The following SCN3B variants were observed in gnomAD, a reference collection of about 807,000 sequenced individuals.
SCN3B encodes the protein sodium voltage-gated channel beta subunit 3, also known as sodium channel regulatory subunit beta-3.
A neutral mutation model predicts 25.4 loss-of-function variants in SCN3B; 11 were observed. The observed-to-expected ratio is 0.43, with a 90% CI of 0.27 to 0.72. SCN3B has a LOEUF of 0.72. SCN3B is among the 30% of genes least tolerant of loss of function. The probability of loss-of-function intolerance (pLI) is 0.18; values close to 1 mark genes in which losing one functional copy is unlikely to be tolerated. For synonymous variants in SCN3B, 109 were observed against 110.7 expected, an observed-to-expected ratio of 0.99 and a Z score of 0.09; for missense variants, 218 against 278.3, an observed-to-expected ratio of 0.78 and a Z score of 1.54.
chr11:123,643,140 G>C (rs769840393), intron 3 of SCN3B, among the ~76,000 whole-genome samples: 9 of 152,178 alleles, frequency 5.9e-5, no homozygotes, highest in Non-Finnish European at 8.8e-5. Flanking sequence ...AGATTCATTA[G>C]TAATGAAGAC....
intron 2 of SCN3B, among the ~76,000 whole-genome samples, chr11:123,649,690 T>C (rs1302672010): frequency 1.3e-5 from 2 of 151,144 alleles, no homozygotes; most frequent in Non-Finnish European, 3.0e-5. Flanking sequence ...TCTCTCTCTC[T>C]GTCTCTGTCT....
rs1245114057 is a variant in SCN3B, at chr11:123,642,354, C to T, written c.445+92G>A. 2.4e-6 allele frequency: 3 copies of T among 1,255,962 alleles called. No homozygotes were observed. The highest frequency in any genetic ancestry group is 3.5e-6 in the Non-Finnish European group (3 of 859,526). 77.8% of individuals were successfully genotyped at this position (1,255,962 alleles called of 1,614,324 possible). On this transcript the variant is annotated intron_variant, in intron 4 of 6. Coordinates refer to ENST00000299333, the MANE Select transcript of SCN3B (RefSeq NM_001040151.2). The surrounding 1 kb of genome is among the most constrained non-coding windows in gnomAD (Gnocchi z 4.3). ...TTCCAAATACATGGGTTTTTGCACT[C>T]TTTAAGGGCCTCACTCGTGGAAAAC...
chr11:123,648,466 G>A (rs1228602410), intron 2 of SCN3B, among the ~76,000 whole-genome samples: 1 of 152,122 alleles, frequency 6.6e-6, no homozygotes, highest in Non-Finnish European at 1.5e-5. Flanking sequence ...TGCCTTCTGG[G>A]TGCCAGGCAT....
At position 123,630,088 on chromosome 11, in the gene SCN3B, T is replaced by G. The variant is rs1955650943; in HGVS notation, c.*3711A>C. The G allele has an allele frequency of 1.3e-5, 2 of 152,206 alleles. No individual in the cohort carries two copies. 9.4% of individuals were successfully genotyped at this position (152,206 alleles called of 1,614,324 possible). On this transcript the variant is annotated 3_prime_UTR_variant, in exon 7 of 7. Coordinates refer to ENST00000299333, the MANE Select transcript of SCN3B (RefSeq NM_001040151.2). The stretch of plus-strand genomic sequence containing the variant: ...ACATTCCTGCTTTGAAAAGTAACTT[T>G]CCTAGTAATATTTCTAGTTGGACAT...
At chr11:123,644,803 ATATATATATATATATATATATATATAT>A (rs1955833521) in intron 3 of SCN3B, among the ~76,000 whole-genome samples, 1 of 23,880 alleles carries the variant, frequency 4.2e-5, no homozygotes, top group African/African-American at 2.7e-4. Context: ...GAGAGAGAAT[ATATATATATATATATATATATATATAT>A]ATATATATAT....
Position 123,630,669 on chromosome 11 carries a change from T to C in SCN3B, c.*3130A>G, listed in dbSNP as rs1206960035. ...CAAATCTCCCAGGAAGGAGTTTAAT[T>C]GCAATTCAGGAGAAATAATGATGTA... On this transcript the variant is annotated 3_prime_UTR_variant, in exon 7 of 7. Transcript: ENST00000299333. The C allele has an allele frequency of 6.6e-6, 1 of 152,260 alleles. No individual in the cohort carries two copies. The highest frequency in any genetic ancestry group is 1.9e-4 in the East Asian group (1 of 5,194). The allele number at this position is 152,260 out of a possible 1,614,324, so 9.4% of individuals were successfully genotyped here. A position where few individuals can be genotyped will look rare whatever the true frequency, so the allele number is the denominator to read the frequency against.
chr11:123,637,832 A>G (rs1453285113), intron 5 of SCN3B, among the ~76,000 whole-genome samples: 1 of 152,142 alleles, frequency 6.6e-6, no homozygotes, highest in African/African-American at 2.4e-5. Context: ...ATGCCCAGCC[A>G]TAATAATATT....
At chr11:123,653,929 G>C in intron 1 of SCN3B, 103 bp from the exon 2 acceptor site, 1 of 1,112,054 alleles carries the variant, frequency 9.0e-7, no homozygotes, top group Non-Finnish European at 1.4e-6. Context: ...TCTGACCGAA[G>C]GAAGGGCCGA....
At chr11:123,653,907 A>T in intron 1 of SCN3B, 81 bp from the exon 2 acceptor site, 1 of 1,315,868 alleles carries the variant, frequency 7.6e-7, no homozygotes, top group South Asian at 1.2e-5. Context: ...AACTGCCCCC[A>T]GGGGGCGACT....
intron 3 of SCN3B, among the ~76,000 whole-genome samples, chr11:123,645,095 A>T (rs949272394): frequency 6.6e-6 from 1 of 151,976 alleles, no homozygotes; most frequent in Admixed American, 6.6e-5. Context: ...TGACTCACTG[A>T]TGTGGCTGTG....
chr11:123,648,676 T>C (rs1431601568), intron 2 of SCN3B, among the ~76,000 whole-genome samples: 1 of 152,048 alleles, frequency 6.6e-6, no homozygotes, highest in African/African-American at 2.4e-5. Context: ...GAGCAGGCGC[T>C]GAAGAAAAGA....
chr11:123,643,477 A>C (rs577577417), intron 3 of SCN3B, among the ~76,000 whole-genome samples: 2 of 152,338 alleles, frequency 1.3e-5, no homozygotes, highest in East Asian at 3.9e-4. Context: ...GTAGCTACTT[A>C]AATTCAATTT....
rs761216819 is a variant in SCN3B, at chr11:123,634,138, C to T, written c.*5G>A. 1 of 1,613,736 alleles carries T rather than the reference C, an allele frequency of 6.2e-7. No individual in the cohort carries two copies. Among genetic ancestry groups the T allele is most frequent in the Non-Finnish European group, 8.5e-7 (1 of 1,179,728 alleles). ...TAGGTCACCTCATGTCACACTGCTC[C>T]TGTTCTATTCCTCCACTGGTACCGC... On this transcript the variant is annotated 3_prime_UTR_variant, in exon 6 of 7. Coordinates refer to ENST00000299333, the MANE Select transcript of SCN3B (RefSeq NM_001040151.2).
chr11:123,644,419 C>A (rs1261012559), intron 3 of SCN3B, among the ~76,000 whole-genome samples: 1 of 152,136 alleles, frequency 6.6e-6, no homozygotes, highest in Non-Finnish European at 1.5e-5. Context: ...ACCCAGGTGG[C>A]CTGGCTCCAC....
intron 1 of SCN3B, 89 bp downstream of exon 1, chr11:123,654,137 C>G (rs1955965086): frequency 2.2e-6 from 1 of 452,266 alleles, no homozygotes; most frequent in Non-Finnish European, 4.1e-6. Context: ...CCCTGCCTCG[C>G]TCGTTTGCGC....
At position 123,642,698 on chromosome 11, in the gene SCN3B, A is replaced by G. The variant is rs774536378; in HGVS notation, c.220-27T>C. The stretch of plus-strand genomic sequence containing the variant: ...TGCAGATAGAGGAGCAGAAGAGGGT[A>G]GGGCCAGGAAAGGAGATGGCAGTGG... On this transcript the variant is annotated intron_variant, in intron 3 of 6. Coordinates refer to ENST00000299333, the MANE Select transcript of SCN3B (RefSeq NM_001040151.2). The surrounding 1 kb of genome is among the most constrained non-coding windows in gnomAD (Gnocchi z 4.3). The G allele has an allele frequency of 1.9e-6, 3 of 1,590,012 alleles. No homozygotes were observed. The South Asian group carries it at 3.3e-5, about 18-fold the overall frequency.
At chr11:123,644,796 AGAG>A (rs1729996891) in intron 3 of SCN3B, among the ~76,000 whole-genome samples, 42 of 53,446 alleles carry the variant, frequency 7.9e-4, no homozygotes, top group African/African-American at 1.1e-3. Context: ...AGAGAGAGAG[AGAG>A]AATATATATA....
In SCN3B at chr11:123,633,486, G is replaced by A. The variant is rs1187118110; in HGVS notation, c.*313C>T. Reference sequence around the variant, plus strand: ...TTGTACAAAGTCATTTGGAGCACAGGGGAGAAATCCAGTTGGCTTTGGAGT... The same window carrying A: ...TTGTACAAAGTCATTTGGAGCACAGAGGAGAAATCCAGTTGGCTTTGGAGT... On this transcript the variant is annotated 3_prime_UTR_variant, in exon 7 of 7. Transcript: ENST00000299333. 6.4e-6 allele frequency: 1 copy of A among 157,322 alleles called. No homozygotes were observed. Among genetic ancestry groups the A allele is most frequent in the Non-Finnish European group, 1.4e-5 (1 of 70,984 alleles). 9.7% of individuals were successfully genotyped at this position (157,322 alleles called of 1,614,324 possible). A position where few individuals can be genotyped will look rare whatever the true frequency, so the allele number is the denominator to read the frequency against.
rs1235719112 is a variant in SCN3B, at chr11:123,642,690, A to G, written c.220-19T>C. 6.2e-7 allele frequency: 1 copy of G among 1,600,788 alleles called. No individual in the cohort carries two copies. Among genetic ancestry groups the G allele is most frequent in the Non-Finnish European group, 8.6e-7 (1 of 1,168,910 alleles). ...CGTAAATCTGCAGATAGAGGAGCAG[A>G]AGAGGGTAGGGCCAGGAAAGGAGAT... On this transcript the variant is annotated intron_variant, in intron 3 of 6. Transcript: ENST00000299333. The surrounding 1 kb of genome is among the most constrained non-coding windows in gnomAD (Gnocchi z 4.3).
Sources: allele counts gnomAD v4.1 joint callset (sites outside exome capture counted in the v4.1 genomes callset), GRCh38; gene constraint gnomAD v4.1.1; non-coding constraint Gnocchi (gnomAD v3.1); transcripts MANE v1.5; gene names NCBI Gene and HGNC (gene_info 2026-07-23, HGNC 2026-07-21).